Variants in GCSAM observed in about 807,000 individuals in gnomAD.
The protein encoded by GCSAM is germinal center-associated signaling and motility protein.
Under a neutral mutation model 17.6 loss-of-function variants are expected in GCSAM, and 8 were observed. The ratio of observed to expected loss-of-function variants is 0.46; its 90% CI spans 0.27 to 0.82. The LOEUF (loss-of-function observed/expected upper bound fraction) is 0.82, where lower values mean the gene tolerates loss of function less well. GCSAM is among the 40% of genes least tolerant of loss of function. The pLI is 0.15. For missense variants in GCSAM, 192 were observed against 213.5 expected (o/e 0.90, Z 0.63); for synonymous variants, 68 against 69.0 (o/e 0.98, Z 0.07).
At position 112,133,171 on chromosome 3, in the gene GCSAM, T is replaced by C; in HGVS notation, c.-51A>G. 6.2e-7 allele frequency: 1 copy of C among 1,604,288 alleles called. No homozygotes were observed. The highest frequency in any genetic ancestry group is 8.5e-7 in the Non-Finnish European group (1 of 1,171,160). On this transcript the variant is annotated 5_prime_UTR_variant, in exon 1 of 6. Transcript: ENST00000308910. ...CTCCGTCCCTTTACCACTTCCTTCTTGCCTTGTGCTCTGACAGGGCAACTC... is the reference window on the plus strand; with the variant it reads ...CTCCGTCCCTTTACCACTTCCTTCTCGCCTTGTGCTCTGACAGGGCAACTC...
Position 112,123,686 on chromosome 3 carries a change from A to C in GCSAM, c.306T>G (p.Ser102=). ...RVLCTRPSGN[S]AEEYYENVPC... is the part of the protein sequence containing the mutation. The stretch of plus-strand genomic sequence containing the variant: ...GAACATTCTCATAGTACTCTTCAGC[A>C]GAGTTCCCTGATGGCCTTGTACAGA... Residue 102 remains serine (S), a synonymous_variant, in exon 6 of 6, where the codon TCT becomes TCG. Transcript: ENST00000308910. The C allele has an allele frequency of 6.2e-7, 1 of 1,614,178 alleles. No individual in the cohort carries two copies. Among genetic ancestry groups the C allele is most frequent in the Non-Finnish European group, 8.5e-7 (1 of 1,180,006 alleles).
Position 112,126,986 on chromosome 3 carries a change from CT to C in GCSAM, c.190del (p.Asn64MetfsTer125). On this transcript the variant is annotated frameshift_variant and splice_region_variant, in exon 4 of 6. Coordinates refer to ENST00000308910, the MANE Select transcript of GCSAM (RefSeq NM_152785.5). LOFTEE classifies it low-confidence loss of function (END_TRUNC). Reference protein sequence around the residue: ...FEKRQDSQNENERMSSTPIQD... With the variant: ...FEKRQDSQNEXERMSSTPIQD... Reference sequence around the variant, plus strand: ...AAAATACTAGGAAATCAATGACTTACTTTCGTTTTGGGAATCTTGCCTCTTT... The same window carrying C: ...AAAATACTAGGAAATCAATGACTTACTTCGTTTTGGGAATCTTGCCTCTTT... 3 of 1,577,440 alleles carry C rather than the reference CT, an allele frequency of 1.9e-6. No homozygotes were observed. The highest frequency in any genetic ancestry group is 2.6e-6 in the Non-Finnish European group (3 of 1,151,916).
intron 2 of GCSAM, 195 bp downstream of exon 2, chr3:112,130,250 T>C (rs895744709): frequency 8.3e-6 from 5 of 600,982 alleles, no homozygotes; most frequent in African/African-American, 7.4e-5. Context: ...ACATTAGGCT[T>C]CTAGCAAAGT....
intron 4 of GCSAM, among the ~76,000 whole-genome samples, chr3:112,125,743 G>A (rs1029767284): frequency 7.9e-5 from 12 of 152,220 alleles, no homozygotes; most frequent in African/African-American, 2.4e-4. Context: ...TCTAGGTGAC[G>A]GGATGGTGGT....
intron 3 of GCSAM, 93 bp downstream of exon 3, chr3:112,127,924 C>T: frequency 1.9e-6 from 2 of 1,029,430 alleles, no homozygotes; most frequent in Non-Finnish European, 3.0e-6. Flanking sequence ...CAGGCTTCCA[C>T]TGTGGCCACA....
intron 2 of GCSAM, 181 bp downstream of exon 2, chr3:112,130,264 A>T: frequency 1.6e-6 from 1 of 617,218 alleles, no homozygotes; most frequent in Non-Finnish European, 2.9e-6. Context: ...GCAAAGTAGC[A>T]TATCTCCTGT....
intron 1 of GCSAM, 69 bp from the exon 2 acceptor site, chr3:112,130,582 T>C: frequency 1.5e-6 from 2 of 1,355,000 alleles, no homozygotes; most frequent in Non-Finnish European, 2.1e-6. Flanking sequence ...TTTCATAATT[T>C]TTCCGACTTT....
At chr3:112,128,207 A>C in intron 2 of GCSAM, 146 bp from the exon 3 acceptor site, 2 of 724,746 alleles carry the variant, frequency 2.8e-6, no homozygotes, top group Non-Finnish European at 2.5e-6. Flanking sequence ...CACATCTCTC[A>C]TGGTAGAATG....
intron 5 of GCSAM, among the ~76,000 whole-genome samples, 185 bp downstream of exon 5, chr3:112,125,041 C>A (rs2074283378): frequency 1.3e-5 from 2 of 152,186 alleles, no homozygotes; most frequent in Non-Finnish European, 2.9e-5. Context: ...AATTATACAG[C>A]AGAAGTGGCT....
intron 5 of GCSAM, among the ~76,000 whole-genome samples, chr3:112,124,237 A>G (rs1344970953): frequency 1.3e-5 from 2 of 152,178 alleles, no homozygotes; most frequent in South Asian, 2.1e-4. Flanking sequence ...ATATTCCTTT[A>G]TAGCAACACA....
chr3:112,128,254 T>C, intron 2 of GCSAM, 193 bp from the exon 3 acceptor site: 1 of 698,742 alleles, frequency 1.4e-6, no homozygotes, highest in Admixed American at 2.0e-5. Context: ...TACTATCAAA[T>C]TCCTAATCAG....
At chr3:112,128,489 A>G (rs2074380028) in intron 2 of GCSAM, 3 of 326,326 alleles carry the variant, frequency 9.2e-6, no homozygotes, top group South Asian at 2.6e-5. Flanking sequence ...GTATATTGCA[A>G]TTGTTTGCTC....
In GCSAM at chr3:112,121,803, T is replaced by C. The variant is rs2074205777; in HGVS notation, c.*1652A>G. The C allele has an allele frequency of 6.6e-6, 1 of 152,236 alleles. No homozygotes were observed. The highest frequency in any genetic ancestry group is 1.5e-5 in the Non-Finnish European group (1 of 68,044). 9.4% of individuals were successfully genotyped at this position (152,236 alleles called of 1,614,324 possible). A position where few individuals can be genotyped will look rare whatever the true frequency, so the allele number is the denominator to read the frequency against. On this transcript the variant is annotated 3_prime_UTR_variant, in exon 6 of 6. Coordinates refer to ENST00000308910, the MANE Select transcript of GCSAM (RefSeq NM_152785.5). ...ACATGCAAGCTCAAGCCATTGCATT[T>C]CTCCTCTTTTGGGAGTCAGCACATT...
In GCSAM at chr3:112,125,216, T is replaced by A. The variant is rs1177236769; in HGVS notation, c.219+10A>T. On this transcript the variant is annotated intron_variant, in intron 5 of 5. Transcript: ENST00000308910. ...CATCTCAAAAAATAGCTTAGAGATG[T>A]TCTTATTACCTGGATGGGAGTAGAT... The A allele has an allele frequency of 5.2e-6, 8 of 1,545,658 alleles. No homozygotes were observed. In the African/African-American group the frequency reaches 1.1e-4, roughly 21 times the overall value.
chr3:112,125,086 C>G, intron 5 of GCSAM, 140 bp downstream of exon 5: 1 of 677,474 alleles, frequency 1.5e-6, no homozygotes, highest in Non-Finnish European at 2.7e-6. Context: ...ACCTGCCACC[C>G]GAGTTCACAA....
chr3:112,123,758 C>A lies in GCSAM; in HGVS notation c.234G>T (p.Gln78His), dbSNP rs1415554634. 2 of 1,612,882 alleles carry A rather than the reference C, an allele frequency of 1.2e-6. No individual in the cohort carries two copies. The highest frequency in any genetic ancestry group is 1.7e-6 in the Non-Finnish European group (2 of 1,179,122). Residue 78 changes from glutamine to histidine, a missense_variant, in exon 6 of 6, where the codon CAG (glutamine) becomes CAT (histidine). Transcript: ENST00000308910. ...SSTPIQDNVD[Q>H]TYSEELCYTL... ...TATAGCACAGCTCCTCTGAGTAGGT[C>A]TGGTCAACATTGTCCTGCTTGTCAA...
intron 4 of GCSAM, among the ~76,000 whole-genome samples, chr3:112,125,657 C>T (rs1460714881): frequency 2.0e-5 from 3 of 152,206 alleles, no homozygotes; most frequent in African/African-American, 7.2e-5. Flanking sequence ...CCTCAAAAGG[C>T]TCACAAGCTA....
At chr3:112,131,689 G>GA (rs548679760) in intron 1 of GCSAM, among the ~76,000 whole-genome samples, 175 of 152,000 alleles carry the variant, frequency 1.2e-3, no homozygotes, top group African/African-American at 3.8e-3. Flanking sequence ...CAACTATTTG[G>GA]AAAAAAATTT....
At chr3:112,128,770 ATC>A (rs1467812438) in intron 2 of GCSAM, 1 of 157,944 alleles carries the variant, frequency 6.3e-6, no homozygotes, top group African/African-American at 2.4e-5. Context: ...AAGGCTTAGA[ATC>A]TCTCTGCAGT....
Sources: gnomAD v4.1 joint callset for allele counts (sites outside exome capture counted in the v4.1 genomes callset) on GRCh38, gnomAD v4.1.1 for gene constraint, MANE v1.5 for transcripts, NCBI Gene and HGNC (gene_info 2026-07-23, HGNC 2026-07-21) for gene names.